The following EXT2 variants were observed in gnomAD, a reference collection of about 807,000 sequenced individuals.
The protein encoded by EXT2 is exostosin glycosyltransferase 2.
In EXT2, 53 loss-of-function variants were observed where a neutral mutation model predicts 81.6. That is an observed-to-expected ratio of 0.65 (90% CI 0.52 to 0.82). The LOEUF (loss-of-function observed/expected upper bound fraction) is 0.82. EXT2 is among the 40% of genes least tolerant of loss of function. The pLI is 0.00. For synonymous variants in EXT2, 320 were observed against 340.0 expected, an observed-to-expected ratio of 0.94 and a Z score of 0.65; for missense variants, 774 against 910.2, an observed-to-expected ratio of 0.85 and a Z score of 1.93.
In EXT2 at chr11:44,250,313, C is replaced by T. The variant is rs2135294446; in HGVS notation, c.*6026C>T. 6.6e-6 allele frequency among the ~76,000 whole-genome samples: 1 copy of T among 152,324 alleles called. No individual in the cohort carries two copies. The highest frequency in any genetic ancestry group is 2.1e-4 in the South Asian group (1 of 4,820). ...TCCAATGTATGGAGGATGCAAGAAGCTTTAAAATGTCCTTTTCTCACAGTG... is the reference window on the plus strand; with the variant it reads ...TCCAATGTATGGAGGATGCAAGAAGTTTTAAAATGTCCTTTTCTCACAGTG... On this transcript the variant is annotated 3_prime_UTR_variant, in exon 14 of 14. Transcript: ENST00000533608.
intron 8 of EXT2, among the ~76,000 whole-genome samples, chr11:44,174,150 C>T (rs1955121794): frequency 6.6e-6 from 1 of 152,126 alleles, no homozygotes; most frequent in African/African-American, 2.4e-5. Flanking sequence ...GTGTATTTTT[C>T]AAGGGAAAGA....
chr11:44,203,312 G>A (rs1432494478), intron 9 of EXT2, among the ~76,000 whole-genome samples: 3 of 152,130 alleles, frequency 2.0e-5, no homozygotes, highest in African/African-American at 7.2e-5. Context: ...AACTCTAAAG[G>A]TTACAGAAAA....
Position 44,096,206 on chromosome 11 carries a change from G to C in EXT2, c.-31+354G>C, listed in dbSNP as rs991936248. 20 of 1,522,784 alleles carry C rather than the reference G, an allele frequency of 1.3e-5. No homozygotes were observed. In the African/African-American group the frequency reaches 2.6e-4, roughly 20 times the overall value. The allele number at this position is 1,522,784 out of a possible 1,614,324, so 94.3% of individuals were successfully genotyped here. A position where few individuals can be genotyped will look rare whatever the true frequency, so the allele number is the denominator to read the frequency against. On this transcript the variant is annotated intron_variant, in intron 1 of 13. Transcript: ENST00000533608. ...CCTCCGCCGTGACCCCTCCCTTCCT[G>C]CTGCCACCTTCCCGCCAGCCACAGG...
Position 44,203,666 on chromosome 11 carries a change from C to T in EXT2, c.1496-3127C>T, listed in dbSNP as rs941952545. On this transcript the variant is annotated intron_variant, in intron 9 of 13. Transcript: ENST00000533608. ...AGCCAGTTGGGGTGTGCTAGAACCT[C>T]CTGGGAAGCTGCCCCAGGGAAGAGG... Among the ~76,000 whole-genome samples the T allele has an allele frequency of 3.3e-5, 5 of 152,230 alleles. No homozygotes were observed. The East Asian group carries it at 7.7e-4, about 24-fold the overall frequency.
chr11:44,130,638 C>T (rs1338132377), intron 7 of EXT2, among the ~76,000 whole-genome samples: 1 of 152,234 alleles, frequency 6.6e-6, no homozygotes, highest in East Asian at 1.9e-4. Context: ...TCTGACACCC[C>T]ATTCCCTAGG....
intron 4 of EXT2, among the ~76,000 whole-genome samples, chr11:44,117,530 T>C (rs1038088688): frequency 1.3e-5 from 2 of 152,192 alleles, no homozygotes; most frequent in Non-Finnish European, 2.9e-5. Flanking sequence ...TTTGCTTGTG[T>C]ATGTCTAGTT....
intron 10 of EXT2, among the ~76,000 whole-genome samples, chr11:44,212,662 T>C (rs1401912106): frequency 1.3e-5 from 2 of 152,162 alleles, no homozygotes; most frequent in East Asian, 1.9e-4. Flanking sequence ...TAAAGACTTA[T>C]AAGATCCCTA....
rs1956107408 is a variant in EXT2 at position 44,247,661 on chromosome 11, CT to C, written c.*3375del. Among the ~76,000 whole-genome samples the C allele has an allele frequency of 6.6e-6, 1 of 152,204 alleles. No individual in the cohort carries two copies. Among genetic ancestry groups the C allele is most frequent in the Non-Finnish European group, 1.5e-5 (1 of 68,036 alleles). On this transcript the variant is annotated 3_prime_UTR_variant, in exon 14 of 14. Coordinates refer to ENST00000533608, the MANE Select transcript of EXT2 (RefSeq NM_207122.2). ...GCTTTGAACTTGTGGTTTTTAAGTG[CT>C]GGTTTCTCTGCTGCCTTTGGAAAAT... is the stretch of plus-strand genomic sequence containing the variant.
rs2134971891 is a variant in EXT2 at position 44,109,266 on chromosome 11, G to A, written c.609G>A (p.Leu203=). 2 of 1,614,070 alleles carry A rather than the reference G, an allele frequency of 1.2e-6. No individual in the cohort carries two copies. Among genetic ancestry groups the A allele is most frequent in the Non-Finnish European group, 1.7e-6 (2 of 1,179,956 alleles). Residue 203 remains leucine (L), a synonymous_variant, in exon 3 of 14, where the codon CTG becomes CTA. Coordinates refer to ENST00000533608, the MANE Select transcript of EXT2 (RefSeq NM_207122.2). ...PGGPPDYNTA[L]DVPRDRALLA... The stretch of plus-strand genomic sequence containing the variant: ...GTCCCCCAGATTATAACACAGCCCT[G>A]GATGTCCCCAGAGACAGGTAGGAGG...
chr11:44,232,478 G>A lies in EXT2; in HGVS notation c.1788G>A (p.Gly596=), dbSNP rs1482443424. The change falls in exon 11 of 14, where the codon GGG becomes GGA. Residue 596 remains glycine (G), a synonymous_variant. Transcript: ENST00000533608. ...ATGAAGTGTCCATGGTGCTCACTGG[G>A]GCAGCTTTTTATCACAAGGTAAGGG... ...WTNEVSMVLT[G]AAFYHKYFNY... The A allele has an allele frequency of 2.5e-5, 41 of 1,613,804 alleles. No individual in the cohort carries two copies. Among genetic ancestry groups the A allele is most frequent in the Non-Finnish European group, 3.0e-5 (35 of 1,179,916 alleles).
chr11:44,224,137 A>G (rs1026529480), intron 10 of EXT2, among the ~76,000 whole-genome samples: 1 of 152,192 alleles, frequency 6.6e-6, no homozygotes, highest in Non-Finnish European at 1.5e-5. Context: ...ATGTGAATCT[A>G]TAATTATCTC....
chr11:44,146,768 ACTT>A (rs1954724109), intron 7 of EXT2, among the ~76,000 whole-genome samples: 1 of 152,194 alleles, frequency 6.6e-6, no homozygotes, highest in Non-Finnish European at 1.5e-5. Flanking sequence ...CTTGGAGAAG[ACTT>A]TTTTCTTCAT....
intron 13 of EXT2, among the ~76,000 whole-genome samples, chr11:44,240,676 T>C (rs879140058): frequency 5.3e-5 from 8 of 152,092 alleles, no homozygotes; most frequent in Admixed American, 5.2e-4. Flanking sequence ...TTTTGAGAAA[T>C]TTAACAGAGA....
At chr11:44,237,326 T>C (rs1286848743) in intron 13 of EXT2, among the ~76,000 whole-genome samples, 1 of 152,156 alleles carries the variant, frequency 6.6e-6, no homozygotes, top group Admixed American at 6.5e-5. Context: ...TTCTATAATG[T>C]TTTACTCTCT....
intron 3 of EXT2, among the ~76,000 whole-genome samples, chr11:44,112,010 A>C (rs1364621695): frequency 1.3e-5 from 2 of 152,248 alleles, no homozygotes; most frequent in Non-Finnish European, 2.9e-5. Context: ...CTCAGTGAAC[A>C]AATAAGGATG....
At chr11:44,201,569 C>G (rs921611349) in intron 9 of EXT2, among the ~76,000 whole-genome samples, 2 of 152,100 alleles carry the variant, frequency 1.3e-5, no homozygotes, top group South Asian at 4.1e-4. Context: ...TGCACTAAGC[C>G]CCTCTGTGTC....
At chr11:44,243,027 G>T (rs534688959) in intron 13 of EXT2, among the ~76,000 whole-genome samples, 5 of 152,196 alleles carry the variant, frequency 3.3e-5, no homozygotes, top group Non-Finnish European at 5.9e-5. Context: ...TTGCTTTGTG[G>T]TGTTGGTGGA....
At chr11:44,171,157 G>A (rs4755787) in intron 7 of EXT2, among the ~76,000 whole-genome samples, 87,299 of 151,988 alleles carry the variant, frequency 0.57, 25,462 homozygotes, top group Middle Eastern at 0.72. Context: ...TTCTTAGAGG[G>A]ATGAGATACT....
At chr11:44,210,231 T>C (rs910358931) in intron 10 of EXT2, among the ~76,000 whole-genome samples, 2 of 152,162 alleles carry the variant, frequency 1.3e-5, no homozygotes, top group African/African-American at 2.4e-5. Flanking sequence ...TAGGCAAAAA[T>C]TGGAGAAAAT....
Sources: allele counts gnomAD v4.1 joint callset (sites outside exome capture counted in the v4.1 genomes callset), GRCh38; gene constraint gnomAD v4.1.1; transcripts MANE v1.5; gene names NCBI Gene and HGNC (gene_info 2026-07-23, HGNC 2026-07-21).